Variants in ZNF215 observed in about 807,000 individuals in gnomAD.
The protein encoded by ZNF215 is BWSCR2-associated zinc finger protein 2.
Under a neutral mutation model 27.2 loss-of-function variants are expected in ZNF215, and 24 were observed. The ratio of observed to expected loss-of-function variants is 0.88; its 90% confidence interval spans 0.64 to 1.24. The LOEUF is 1.24. Ranked by LOEUF, ZNF215 falls within the 50% of genes most tolerant of loss-of-function variation. The probability of loss-of-function intolerance (pLI) is 0.00; values close to 1 mark genes in which losing one functional copy is unlikely to be tolerated. For missense variants in ZNF215, 675 were observed against 605.7 expected (o/e 1.11, Z -1.20); for synonymous variants, 210 against 204.0 (o/e 1.03, Z -0.25).
chr11:6,943,574 C>G lies in ZNF215; in HGVS notation c.645C>G (p.Ser215Arg), dbSNP rs369914778. Residue 215 changes from serine to arginine, a missense_variant, in exon 6 of 7, where the codon AGC becomes AGG. Coordinates refer to ENST00000278319, the MANE Select transcript of ZNF215 (RefSeq NM_013250.4). The stretch of plus-strand genomic sequence containing the variant: ...ATCTACTTTCCAAACCATTTGAGAG[C>G]CTTAAGTTGGAGAGTAAGAAAAAAA... ...KAHLLSKPFE[S>R]LKLESKKKRW... is the part of the protein sequence containing the mutation. 2.5e-6 allele frequency: 4 copies of G among 1,613,770 alleles called. No homozygotes were observed. Among genetic ancestry groups the G allele is most frequent in the African/African-American group, 1.3e-5 (1 of 74,934 alleles).
chr11:6,950,715 A>G lies in ZNF215; in HGVS notation c.713-4975A>G, dbSNP rs1351068429. Among the ~76,000 whole-genome samples the G allele has an allele frequency of 2.2e-3, 321 of 146,440 alleles. 1 individual carries two copies. The highest frequency in any genetic ancestry group is 7.7e-3 in the African/African-American group (304 of 39,588). On this transcript the variant is annotated intron_variant, in intron 6 of 6. Transcript: ENST00000278319. ...TGACTTCCTCTTTTCCTAATTGAAT[A>G]CCCTTTATTTCCTTCTCCTGCCTGA...
intron 6 of ZNF215, among the ~76,000 whole-genome samples, chr11:6,944,813 C>G (rs185745055): frequency 7.9e-5 from 12 of 152,092 alleles, no homozygotes; most frequent in African/African-American, 2.9e-4. Context: ...ATCAGGAATA[C>G]GTCATTTTAT....
intron 6 of ZNF215, among the ~76,000 whole-genome samples, chr11:6,951,816 T>G: frequency 6.6e-6 from 1 of 152,148 alleles, no homozygotes. Context: ...GTTCTTTTAA[T>G]TGTGATGTTA....
At chr11:6,946,975 T>A (rs1849835858) in intron 6 of ZNF215, among the ~76,000 whole-genome samples, 1 of 152,240 alleles carries the variant, frequency 6.6e-6, no homozygotes, top group African/African-American at 2.4e-5. Context: ...TTTAATGTAT[T>A]AACATCTTAT....
At position 6,943,419 on chromosome 11, in the gene ZNF215, G is replaced by A. The variant is rs111704202; in HGVS notation, c.617-127G>A. 2,214 of 1,096,506 alleles carry A rather than the reference G, an allele frequency of 2.0e-3. 32 individuals carry two copies. The East Asian group carries it at 0.029, about 14-fold the overall frequency. The allele number at this position is 1,096,506 out of a possible 1,614,324, so 67.9% of individuals were successfully genotyped here. On this transcript the variant is annotated intron_variant, in intron 5 of 6. Coordinates refer to ENST00000278319, the MANE Select transcript of ZNF215 (RefSeq NM_013250.4). ...AGCCAGAGATACACAAGTCTATGGTGCTCTTCTGGCCTTACCCTTCAGCAG... is the reference window on the plus strand; with the variant it reads ...AGCCAGAGATACACAAGTCTATGGTACTCTTCTGGCCTTACCCTTCAGCAG...
downstream of ZNF215, among the ~76,000 whole-genome samples, chr11:6,989,245 C>T (rs867617107): frequency 2.8e-4 from 42 of 151,026 alleles, no homozygotes; most frequent in African/African-American, 9.3e-4. Flanking sequence ...TTGCACCAAG[C>T]GAATAAAATT....
At chr11:6,981,245 A>G (rs377690179) in intron 5 of ZNF215, among the ~76,000 whole-genome samples, 43,071 of 144,980 alleles carry the variant, frequency 0.3, 6,363 homozygotes, top group African/African-American at 0.34. Context: ...AAGTGTTCCT[A>G]TTTCTCCACA....
chr11:6,950,607 G>A (rs1850015636), intron 6 of ZNF215, among the ~76,000 whole-genome samples: 1 of 151,036 alleles, frequency 6.6e-6, no homozygotes, highest in African/African-American at 2.4e-5. Context: ...TGCTGAAGTT[G>A]CTTATCAGCT....
At chr11:6,990,593 T>G (rs1456852603), downstream of ZNF215, among the ~76,000 whole-genome samples, 1 of 152,246 alleles carries the variant, frequency 6.6e-6, no homozygotes, top group African/African-American at 2.4e-5. Flanking sequence ...ACAGCCACAT[T>G]AATGTATTAT....
intron 6 of ZNF215, among the ~76,000 whole-genome samples, chr11:6,955,026 T>C (rs906604157): frequency 6.6e-6 from 1 of 152,156 alleles, no homozygotes; most frequent in African/African-American, 2.4e-5. Context: ...AGAGACCCAA[T>C]CTTAATTAGA....
At chr11:6,947,782 A>C (rs1264328416) in intron 6 of ZNF215, among the ~76,000 whole-genome samples, 1 of 152,170 alleles carries the variant, frequency 6.6e-6, no homozygotes, top group Non-Finnish European at 1.5e-5. Context: ...AGGAGTTCTT[A>C]TGTTCCATAC....
chr11:6,986,389 TA>T (rs1851053875), downstream of ZNF215, among the ~76,000 whole-genome samples: 1 of 152,132 alleles, frequency 6.6e-6, no homozygotes, highest in Non-Finnish European at 1.5e-5. Context: ...CAAGATGTAT[TA>T]AAGACTGAAA....
chr11:6,978,310 A>G (rs1850875699), intron 5 of ZNF215, among the ~76,000 whole-genome samples: 1 of 152,096 alleles, frequency 6.6e-6, no homozygotes, highest in African/African-American at 2.4e-5. Flanking sequence ...TAGAAGAGAA[A>G]ATAATCTATG....
At chr11:6,940,038 C>T (rs1021578687) in intron 3 of ZNF215, among the ~76,000 whole-genome samples, 2 of 148,578 alleles carry the variant, frequency 1.3e-5, no homozygotes, top group Non-Finnish European at 3.0e-5. Flanking sequence ...GCCTGGGCAG[C>T]ATTGAAAGAC....
intron 3 of ZNF215, among the ~76,000 whole-genome samples, chr11:6,934,963 A>G (rs1849384353): frequency 6.6e-6 from 1 of 152,200 alleles, no homozygotes; most frequent in Non-Finnish European, 1.5e-5. Flanking sequence ...AACTGAAGAA[A>G]GGCTTTTGGT....
At chr11:6,950,544 G>A (rs1850012849) in intron 6 of ZNF215, among the ~76,000 whole-genome samples, 1 of 151,566 alleles carries the variant, frequency 6.6e-6, no homozygotes, top group African/African-American at 2.4e-5. Flanking sequence ...GTCTGTTATT[G>A]GTGTATAAGA....
chr11:6,978,411 C>T (rs1239700578), intron 5 of ZNF215, among the ~76,000 whole-genome samples: 2 of 151,832 alleles, frequency 1.3e-5, no homozygotes, highest in Non-Finnish European at 2.9e-5. Context: ...ATGGTGTTGG[C>T]GACTGATTAG....
chr11:6,977,825 C>T (rs931908957), intron 5 of ZNF215, among the ~76,000 whole-genome samples: 2 of 152,056 alleles, frequency 1.3e-5, no homozygotes, highest in African/African-American at 4.8e-5. Context: ...AACATTAACT[C>T]ATTCATGAGG....
chr11:6,938,621 C>T (rs986991652), intron 3 of ZNF215, among the ~76,000 whole-genome samples: 1 of 151,630 alleles, frequency 6.6e-6, no homozygotes, highest in African/African-American at 2.4e-5. Flanking sequence ...AATGGATGGA[C>T]CTCCAAAACA....
Sources: gnomAD v4.1 joint callset for allele counts (sites outside exome capture counted in the v4.1 genomes callset) on GRCh38, gnomAD v4.1.1 for gene constraint, MANE v1.5 for transcripts, NCBI Gene and HGNC (gene_info 2026-07-23, HGNC 2026-07-21) for gene names.